Variants in TAFA1 observed in about 807,000 individuals in gnomAD.
The protein encoded by TAFA1 is TAFA chemokine like family member 1.
TAFA1 carries 4 observed loss-of-function variants against 18.5 expected under a neutral mutation model. The observed-to-expected ratio is 0.22, with a 90% confidence interval of 0.11 to 0.49. The LOEUF (loss-of-function observed/expected upper bound fraction) is 0.49. Among genes scored for constraint, TAFA1 ranks in the 20% least tolerant of loss-of-function variants. The pLI is 0.98. For synonymous variants in TAFA1, 56 were observed against 55.2 expected (o/e 1.01, Z -0.06); for missense variants, 147 against 169.0 (o/e 0.87, Z 0.72).
intron 3 of TAFA1, among the ~76,000 whole-genome samples, chr3:68,491,780 A>G (rs2072458405): frequency 1.3e-5 from 2 of 152,174 alleles, no homozygotes; most frequent in Non-Finnish European, 2.9e-5. Context: ...ACCCAACGTC[A>G]TGTTTATGGA....
At chr3:68,075,039 A>G (rs1481287805) in intron 2 of TAFA1, among the ~76,000 whole-genome samples, 1 of 152,168 alleles carries the variant, frequency 6.6e-6, no homozygotes, top group Non-Finnish European at 1.5e-5. Context: ...GGACCAGACA[A>G]AGTAGAATCA....
chr3:68,067,696 T>G (rs1004147813), intron 2 of TAFA1, among the ~76,000 whole-genome samples: 2 of 152,170 alleles, frequency 1.3e-5, no homozygotes, highest in African/African-American at 4.8e-5. Flanking sequence ...TAGCCAACTT[T>G]TCTTCCTTCC....
chr3:68,339,072 C>T (rs1425934008), intron 2 of TAFA1, among the ~76,000 whole-genome samples: 7 of 152,190 alleles, frequency 4.6e-5, no homozygotes, highest in Non-Finnish European at 1.5e-5. Context: ...ATTAAATTAG[C>T]TAAAGCAAGT....
intron 2 of TAFA1, among the ~76,000 whole-genome samples, chr3:68,128,692 TG>T (rs1398732936): frequency 6.6e-6 from 1 of 152,162 alleles, no homozygotes; most frequent in East Asian, 1.9e-4. Flanking sequence ...AGGAAATATT[TG>T]GTACTTAAAG....
At chr3:68,206,286 A>C (rs2107054554) in intron 2 of TAFA1, among the ~76,000 whole-genome samples, 1 of 152,042 alleles carries the variant, frequency 6.6e-6, no homozygotes, top group African/African-American at 2.4e-5. Context: ...TCAGAAAAAA[A>C]AGAATATGTA....
chr3:68,137,372 AT>A (rs1440938141), intron 2 of TAFA1, among the ~76,000 whole-genome samples: 1 of 152,068 alleles, frequency 6.6e-6, no homozygotes, highest in Non-Finnish European at 1.5e-5. Flanking sequence ...TAAATAATTT[AT>A]CCCATTGGAT....
intron 3 of TAFA1, among the ~76,000 whole-genome samples, chr3:68,532,027 G>C (rs370571050): frequency 6.6e-6 from 1 of 152,090 alleles, no homozygotes; most frequent in Admixed American, 6.5e-5. Context: ...TTCTTATGCA[G>C]GGTTGAGGAG....
At chr3:68,181,671 A>G (rs1326582136) in intron 2 of TAFA1, among the ~76,000 whole-genome samples, 2 of 152,210 alleles carry the variant, frequency 1.3e-5, no homozygotes, top group Non-Finnish European at 2.9e-5. Flanking sequence ...AGATACAAAA[A>G]TGTTAGAAAC....
intron 2 of TAFA1, among the ~76,000 whole-genome samples, chr3:68,025,247 A>G (rs1271772599): frequency 1.3e-5 from 2 of 152,092 alleles, no homozygotes; most frequent in Admixed American, 1.3e-4. Context: ...ATTTTACATT[A>G]AATTTATTGG....
chr3:68,061,955 A>T (rs1178233214), intron 2 of TAFA1, among the ~76,000 whole-genome samples: 2 of 152,068 alleles, frequency 1.3e-5, no homozygotes, highest in Non-Finnish European at 2.9e-5. Context: ...TAGAAGTGAT[A>T]CCTCAAACGA....
chr3:68,244,493 CATT>C (rs2067040714), intron 2 of TAFA1, among the ~76,000 whole-genome samples: 1 of 152,084 alleles, frequency 6.6e-6, no homozygotes, highest in African/African-American at 2.4e-5. Flanking sequence ...GCTCCAGCAC[CATT>C]TGTTAAAAAG....
At chr3:68,170,935 T>C (rs2066045257) in intron 2 of TAFA1, among the ~76,000 whole-genome samples, 1 of 151,846 alleles carries the variant, frequency 6.6e-6, no homozygotes, top group Non-Finnish European at 1.5e-5. Flanking sequence ...GGAAACTCAT[T>C]AAGCCAACAA....
intron 2 of TAFA1, among the ~76,000 whole-genome samples, chr3:68,031,030 C>T (rs1704924343): frequency 6.6e-6 from 1 of 152,098 alleles, no homozygotes; most frequent in Non-Finnish European, 1.5e-5. Flanking sequence ...GATGATCAAG[C>T]TTCTAAAATA....
intron 3 of TAFA1, among the ~76,000 whole-genome samples, chr3:68,424,426 A>G (rs1319261239): frequency 6.6e-6 from 1 of 152,036 alleles, no homozygotes; most frequent in Non-Finnish European, 1.5e-5. Context: ...TTTCCCCAAG[A>G]ACTGTTTGTA....
intron 3 of TAFA1, among the ~76,000 whole-genome samples, chr3:68,533,057 G>A (rs1370142951): frequency 6.7e-6 from 1 of 149,638 alleles, no homozygotes; most frequent in Non-Finnish European, 1.5e-5. Flanking sequence ...ATTTAAAGGG[G>A]AAAAGTGGGC....
chr3:68,081,729 G>A (rs1372013829), intron 2 of TAFA1, among the ~76,000 whole-genome samples: 1 of 152,124 alleles, frequency 6.6e-6, no homozygotes, highest in East Asian at 1.9e-4. Context: ...TGTCAGACAG[G>A]GACATTTAAG....
At chr3:68,393,923 AG>A in intron 2 of TAFA1, among the ~76,000 whole-genome samples, 1 of 148,438 alleles carries the variant, frequency 6.7e-6, no homozygotes, top group Admixed American at 6.6e-5. Flanking sequence ...AAAGGGCAAA[AG>A]CTGGAAGCAT....
At chr3:68,305,616 A>G (rs2068403896) in intron 2 of TAFA1, among the ~76,000 whole-genome samples, 2 of 151,442 alleles carry the variant, frequency 1.3e-5, no homozygotes, top group South Asian at 2.1e-4. Flanking sequence ...ACACTAGTAA[A>G]TTTCCTAGCT....
rs375486117 is a variant in TAFA1, at chr3:68,083,596, C to T, written c.118+76852C>T. Reference sequence around the variant, plus strand: ...CTAGGCCTATGGGCTCTCTTGACAACTTGTGAACAGGCATTCTGACACTAT... The same window carrying T: ...CTAGGCCTATGGGCTCTCTTGACAATTTGTGAACAGGCATTCTGACACTAT... On this transcript the variant is annotated intron_variant, in intron 2 of 4. Transcript: ENST00000478136. 5.3e-5 allele frequency among the ~76,000 whole-genome samples: 8 copies of T among 152,260 alleles called. No individual in the cohort carries two copies. In the East Asian group the frequency reaches 1.5e-3, roughly 29 times the overall value.
Sources: allele counts gnomAD v4.1 joint callset (sites outside exome capture counted in the v4.1 genomes callset), GRCh38; gene constraint gnomAD v4.1.1; transcripts MANE v1.5; gene names NCBI Gene and HGNC (gene_info 2026-07-23, HGNC 2026-07-21).